Variants in KIAA1217 observed in about 807,000 individuals in gnomAD.
The protein encoded by KIAA1217 is KIAA1217, also known as sickle tail protein homolog.
KIAA1217 carries 88 observed loss-of-function variants against 163.9 expected under a neutral mutation model. That is an observed-to-expected ratio of 0.54 (90% confidence interval 0.45 to 0.64). The LOEUF (loss-of-function observed/expected upper bound fraction) is 0.64. Ranked by LOEUF, KIAA1217 falls within the 30% of genes least tolerant of loss-of-function variation. KIAA1217 has a pLI of 0.00. For synonymous variants in KIAA1217, 903 were observed against 923.1 expected (o/e 0.98, Z 0.39); for missense variants, 2,372 against 2,475.0 (o/e 0.96, Z 0.88).
chr10:24,291,736 T>C (rs952282846), intron 2 of KIAA1217, among the ~76,000 whole-genome samples: 40 of 152,212 alleles, frequency 2.6e-4, no homozygotes, highest in Non-Finnish European at 3.8e-4. Flanking sequence ...CATTCACCCA[T>C]TTCATTTTGC....
intron 2 of KIAA1217, among the ~76,000 whole-genome samples, chr10:24,256,598 G>T (rs2131618381): frequency 6.6e-6 from 1 of 152,276 alleles, no homozygotes; most frequent in South Asian, 2.1e-4. Flanking sequence ...GAGAAATTGT[G>T]ATTTTCCTGA....
intron 2 of KIAA1217, among the ~76,000 whole-genome samples, chr10:24,170,103 C>T (rs2065554627): frequency 6.6e-6 from 1 of 152,174 alleles, no homozygotes; most frequent in East Asian, 1.9e-4. Flanking sequence ...CTACATACAT[C>T]CATGCTTTAT....
At chr10:24,364,194 G>A (rs1591335306) in intron 2 of KIAA1217, among the ~76,000 whole-genome samples, 1 of 151,892 alleles carries the variant, frequency 6.6e-6, no homozygotes, top group African/African-American at 2.4e-5. Context: ...GGCCAGGCTG[G>A]TCTCGAACTC....
At chr10:24,118,972 CT>C (rs1253714490) in intron 2 of KIAA1217, among the ~76,000 whole-genome samples, 1 of 151,930 alleles carries the variant, frequency 6.6e-6, no homozygotes, top group Non-Finnish European at 1.5e-5. Context: ...TCCTAACCCC[CT>C]AGTCAGCCTT....
chr10:23,877,123 G>A (rs145834582), intron 1 of KIAA1217, among the ~76,000 whole-genome samples: 86 of 152,088 alleles, frequency 5.7e-4, no homozygotes, highest in African/African-American at 2.0e-3. Context: ...GTCACTAGAT[G>A]CGTTTTCTTT....
At chr10:24,220,536 G>A (rs920140997) in intron 2 of KIAA1217, among the ~76,000 whole-genome samples, 1 of 140,346 alleles carries the variant, frequency 7.1e-6, no homozygotes, top group African/African-American at 2.8e-5. Flanking sequence ...TTCACTGCAA[G>A]CTCTGCCTCC....
chr10:23,992,401 C>T (rs566658580), intron 1 of KIAA1217, among the ~76,000 whole-genome samples: 1 of 143,814 alleles, frequency 7.0e-6, no homozygotes, highest in African/African-American at 2.9e-5. Context: ...CCTTGCCTAC[C>T]CCATTGCCAT....
chr10:23,957,421 T>C (rs1844615265), intron 1 of KIAA1217, among the ~76,000 whole-genome samples: 1 of 152,152 alleles, frequency 6.6e-6, no homozygotes, highest in African/African-American at 2.4e-5. Context: ...TATTATTTTC[T>C]CAAAAGATAA....
At chr10:24,545,511 A>G (rs1013084816) in intron 20 of KIAA1217, 2 of 1,295,150 alleles carry the variant, frequency 1.5e-6, no homozygotes, top group Admixed American at 7.5e-5. Flanking sequence ...CTCCGTCACA[A>G]TGCCCGACCC....
intron 2 of KIAA1217, among the ~76,000 whole-genome samples, chr10:24,148,394 G>A (rs2064440488): frequency 6.6e-6 from 1 of 152,000 alleles, no homozygotes. Flanking sequence ...TATTGATATG[G>A]TATGAATGTT....
intron 5 of KIAA1217, among the ~76,000 whole-genome samples, chr10:24,459,771 AT>A (rs1300896445): frequency 6.6e-6 from 1 of 152,002 alleles, no homozygotes; most frequent in Admixed American, 6.6e-5. Context: ...AAAAAAAAAA[AT>A]GTTTTTTAAT....
intron 1 of KIAA1217, among the ~76,000 whole-genome samples, chr10:23,974,625 C>T (rs769761890): frequency 1.3e-5 from 2 of 151,798 alleles, no homozygotes; most frequent in Non-Finnish European, 2.9e-5. Context: ...AACTTGAGAC[C>T]ATCCTGGGCA....
At chr10:24,314,881 T>G (rs560483133) in intron 2 of KIAA1217, among the ~76,000 whole-genome samples, 1 of 152,178 alleles carries the variant, frequency 6.6e-6, no homozygotes, top group African/African-American at 2.4e-5. Context: ...GAGGCAGAGC[T>G]TGCAGTGAAC....
chr10:24,543,747 G>A lies in KIAA1217; in HGVS notation c.4477G>A (p.Val1493Ile), dbSNP rs1039576703. Residue 1493 changes from valine (V) to isoleucine (I), a missense_variant, in exon 19 of 21, where the codon GTC (valine) becomes ATC (isoleucine). Val to Ile is a conservative substitution (Grantham distance 29). This residue lies in a region of KIAA1217 where 690 missense variants were observed against 677.5 expected (regional missense o/e 1.02). Transcript: ENST00000376454. ...EEEEENGDSVVQNNNTSQMSH... is the reference protein window; with the variant it reads ...EEEEENGDSVIQNNNTSQMSH... ...AGAGGAGGAAAATGGGGATTCTGTA[G>A]TCCAGAATAATAACACTTCCCAGAT... is the stretch of plus-strand genomic sequence containing the variant. 4 of 1,613,358 alleles carry A rather than the reference G, an allele frequency of 2.5e-6. No homozygotes were observed. In the African/African-American group the frequency reaches 4.0e-5, roughly 16 times the overall value.
chr10:24,428,415 G>T (rs1000728998), intron 3 of KIAA1217, among the ~76,000 whole-genome samples: 7 of 152,152 alleles, frequency 4.6e-5, no homozygotes, highest in East Asian at 1.9e-4. Flanking sequence ...AAAGCTGAGG[G>T]TCAACACAGG....
In KIAA1217 at chr10:23,760,458, G is replaced by A. The variant is rs550752919; in HGVS notation, c.-321+65224G>A. ...GCATCAGTGTGCATTGAGATAGAAAGTTTCAGGAATAAGCAAAGCAGGAGG... is the reference window on the plus strand; with the variant it reads ...GCATCAGTGTGCATTGAGATAGAAAATTTCAGGAATAAGCAAAGCAGGAGG... On this transcript the variant is annotated intron_variant, in intron 1 of 18. Transcript: ENST00000376462. Among the ~76,000 whole-genome samples the A allele has an allele frequency of 1.8e-3, 279 of 152,338 alleles. 1 individual carries two copies. Among genetic ancestry groups the A allele is most frequent in the Admixed American group, 4.4e-3 (67 of 15,296 alleles).
intron 1 of KIAA1217, among the ~76,000 whole-genome samples, chr10:23,771,782 A>G (rs1164116389): frequency 6.6e-6 from 1 of 152,208 alleles, no homozygotes; most frequent in African/African-American, 2.4e-5. Context: ...ACTCAGCTAG[A>G]AATCAATCAT....
intron 1 of KIAA1217, among the ~76,000 whole-genome samples, chr10:23,872,200 G>A (rs973122166): frequency 1.3e-5 from 2 of 152,058 alleles, no homozygotes; most frequent in Non-Finnish European, 2.9e-5. Flanking sequence ...GTATAGAAAA[G>A]TGAACGTCAT....
At chr10:24,187,868 C>T (rs1002183986) in intron 2 of KIAA1217, among the ~76,000 whole-genome samples, 2 of 147,264 alleles carry the variant, frequency 1.4e-5, no homozygotes. Context: ...CCAGCCTGGG[C>T]AACAAGAGCA....
Sources: gnomAD v4.1 joint callset for allele counts (sites outside exome capture counted in the v4.1 genomes callset) on GRCh38, gnomAD v4.1.1 for gene constraint, gnomAD v4.1.1 regional missense constraint, MANE v1.5 for transcripts, NCBI Gene and HGNC (gene_info 2026-07-23, HGNC 2026-07-21) for gene names.